CACNA1C: variants seen among roughly 807,000 people sequenced by gnomAD.
The protein encoded by CACNA1C is calcium voltage-gated channel subunit alpha1 C.
CACNA1C carries 30 observed loss-of-function variants against 229.0 expected under a neutral mutation model. The observed-to-expected ratio is 0.13, with a 90% CI of 0.10 to 0.18. CACNA1C has a LOEUF of 0.18. Among genes scored for constraint, CACNA1C ranks in the 10% least tolerant of loss-of-function variants. The pLI, the probability that CACNA1C is intolerant of heterozygous loss-of-function variation, is 1.00. For missense variants in CACNA1C, 1,658 were observed against 2,845.0 expected (o/e 0.58, Z 9.49); for synonymous variants, 1,114 against 1,132.5 (o/e 0.98, Z 0.33).
chr12:2,615,518 TG>T (rs1463126118), intron 29 of CACNA1C, among the ~76,000 whole-genome samples: 1 of 152,230 alleles, frequency 6.6e-6, no homozygotes, highest in Non-Finnish European at 1.5e-5. Flanking sequence ...CTCCTCAAAC[TG>T]ATCCATAGGC....
chr12:2,384,314 G>A (rs563630597), intron 3 of CACNA1C, among the ~76,000 whole-genome samples: 97 of 152,260 alleles, frequency 6.4e-4, no homozygotes, highest in Middle Eastern at 6.8e-3. Flanking sequence ...CACATTGTGC[G>A]TCTTTCACCC....
intron 5 of CACNA1C, among the ~76,000 whole-genome samples, chr12:2,478,673 G>A (rs2099643949): frequency 6.6e-6 from 1 of 152,162 alleles, no homozygotes; most frequent in South Asian, 2.1e-4. Flanking sequence ...ATAGGTAAAC[G>A]ATCATCCTCT....
At chr12:2,202,162 A>G (rs889043082) in intron 3 of CACNA1C, among the ~76,000 whole-genome samples, 1 of 152,156 alleles carries the variant, frequency 6.6e-6, no homozygotes, top group African/African-American at 2.4e-5. Context: ...GATAAATTGG[A>G]TTGACTTAGA....
intron 11 of CACNA1C, among the ~76,000 whole-genome samples, chr12:2,564,757 A>G (rs1600242556): frequency 1.3e-5 from 2 of 152,188 alleles, no homozygotes. Flanking sequence ...AATTGCTGCC[A>G]GCTCTGTGTC....
Position 2,270,100 on chromosome 12 carries a change from C to T in CACNA1C, c.477+149670C>T, listed in dbSNP as rs1211371495. On this transcript the variant is annotated intron_variant, in intron 3 of 46. Transcript: ENST00000399655. ...GCACCAAGCTTCCAGGGCACGGGGT[C>T]AGGGAACAGAGGGTGGAAGGGGTCT... 2.0e-5 allele frequency among the ~76,000 whole-genome samples: 3 copies of T among 152,212 alleles called. No homozygotes were observed. In the East Asian group the frequency reaches 5.8e-4, roughly 29 times the overall value.
intron 3 of CACNA1C, among the ~76,000 whole-genome samples, chr12:2,154,170 A>C (rs1333805761): frequency 6.6e-6 from 1 of 152,182 alleles, no homozygotes; most frequent in Non-Finnish European, 1.5e-5. Context: ...GTTCTTCCTG[A>C]CAAAAGGAGG....
intron 9 of CACNA1C, among the ~76,000 whole-genome samples, chr12:2,538,701 G>A (rs1054733933): frequency 6.6e-6 from 1 of 152,152 alleles, no homozygotes. Context: ...ACTCCAAACT[G>A]GGCAAACACA....
rs529589514 is a variant in CACNA1C, at chr12:2,355,407, C to T, written c.478-93569C>T. ...GGAAGGCTGCTCCCTGGACTCATTT[C>T]GGTTGGTGGGTGCCACCGTGGTTCA... is the stretch of plus-strand genomic sequence containing the variant. On this transcript the variant is annotated intron_variant, in intron 3 of 46. Transcript: ENST00000399655. Among the ~76,000 whole-genome samples the T allele has an allele frequency of 2.6e-5, 4 of 152,132 alleles. No individual in the cohort carries two copies. In the East Asian group the frequency reaches 5.8e-4, roughly 22 times the overall value.
intron 3 of CACNA1C, among the ~76,000 whole-genome samples, chr12:2,225,744 G>A (rs1026429749): frequency 2.6e-5 from 4 of 152,174 alleles, no homozygotes; most frequent in African/African-American, 9.7e-5. Context: ...GCTGTAGAGT[G>A]GTAGGCAACC....
At chr12:2,323,363 G>C (rs1022052498) in intron 3 of CACNA1C, among the ~76,000 whole-genome samples, 2 of 152,232 alleles carry the variant, frequency 1.3e-5, no homozygotes, top group African/African-American at 4.8e-5. Flanking sequence ...CTCTAGCCTA[G>C]ATATGCTGGG....
At chr12:2,324,196 C>T (rs1435135648) in intron 3 of CACNA1C, among the ~76,000 whole-genome samples, 2 of 152,188 alleles carry the variant, frequency 1.3e-5, no homozygotes, top group Non-Finnish European at 2.9e-5. Context: ...GCCTCAGTTT[C>T]CCTCAAAAGC....
At chr12:2,325,306 T>C (rs2096242210) in intron 3 of CACNA1C, among the ~76,000 whole-genome samples, 1 of 152,188 alleles carries the variant, frequency 6.6e-6, no homozygotes, top group African/African-American at 2.4e-5. Flanking sequence ...CAAGAAACTC[T>C]CTGATACAGT....
intron 29 of CACNA1C, among the ~76,000 whole-genome samples, chr12:2,622,072 G>T (rs1242942067): frequency 2.6e-5 from 4 of 152,166 alleles, no homozygotes; most frequent in Non-Finnish European, 5.9e-5. Context: ...GGGTCTGGAG[G>T]CCAAGAGCCA....
At chr12:2,012,840 C>T (rs1465658731) in intron 1 of CACNA1C, among the ~76,000 whole-genome samples, 1 of 152,184 alleles carries the variant, frequency 6.6e-6, no homozygotes, top group Non-Finnish European at 1.5e-5. Flanking sequence ...ACAATAAGAG[C>T]TTGGATGCTC....
chr12:2,187,949 G>A (rs1360066362), intron 3 of CACNA1C, among the ~76,000 whole-genome samples: 2 of 152,218 alleles, frequency 1.3e-5, no homozygotes, highest in Non-Finnish European at 2.9e-5. Context: ...CTTGGCCCCT[G>A]CTGTGGTATT....
At chr12:2,374,601 C>T (rs957808770) in intron 3 of CACNA1C, among the ~76,000 whole-genome samples, 1 of 152,208 alleles carries the variant, frequency 6.6e-6, no homozygotes, top group Non-Finnish European at 1.5e-5. Flanking sequence ...TCAGGGCTCC[C>T]TGCTGGCTTA....
Position 2,412,728 on chromosome 12 carries a change from A to G in CACNA1C, c.478-36248A>G, listed in dbSNP as rs111948090. ...TAGATATTTAAGAGATGCCTATACA[A>G]TGGATTTGCTGAGTTTTCAAACTAT... On this transcript the variant is annotated intron_variant, in intron 3 of 46. Coordinates refer to ENST00000399655, the MANE Select transcript of CACNA1C (RefSeq NM_000719.7). 3.0e-4 allele frequency among the ~76,000 whole-genome samples: 45 copies of G among 152,322 alleles called. 1 individual carries two copies. Among genetic ancestry groups the G allele is most frequent in the African/African-American group, 9.4e-4 (39 of 41,570 alleles).
intron 3 of CACNA1C, among the ~76,000 whole-genome samples, chr12:2,153,282 C>T (rs2154219205): frequency 6.6e-6 from 1 of 152,250 alleles, no homozygotes; most frequent in Non-Finnish European, 1.5e-5. Flanking sequence ...AACTCTTTCT[C>T]CAATTTAGAA....
chr12:2,102,711 C>T (rs932169602), intron 1 of CACNA1C, among the ~76,000 whole-genome samples: 1 of 152,136 alleles, frequency 6.6e-6, no homozygotes, highest in Non-Finnish European at 1.5e-5. Flanking sequence ...ATTTGTATTT[C>T]TCCTAATGCT....
Sources: allele counts gnomAD v4.1 joint callset (sites outside exome capture counted in the v4.1 genomes callset), GRCh38; gene constraint gnomAD v4.1.1; transcripts MANE v1.5; gene names NCBI Gene and HGNC (gene_info 2026-07-23, HGNC 2026-07-21).